SGIP1: variants seen among roughly 807,000 people sequenced by gnomAD.
The protein encoded by SGIP1 is SH3-containing GRB2-like protein 3-interacting protein 1.
SGIP1 carries 38 observed loss-of-function variants against 107.5 expected under a neutral mutation model. That is an observed-to-expected ratio of 0.35 (90% CI 0.27 to 0.46). The LOEUF is 0.46. SGIP1 is among the 20% of genes least tolerant of loss of function. The probability of loss-of-function intolerance (pLI) is 1.00; values close to 1 mark genes in which losing one functional copy is unlikely to be tolerated. For missense variants in SGIP1, 929 were observed against 1,019.5 expected (o/e 0.91, Z 1.21); for synonymous variants, 365 against 366.1 (o/e 1.00, Z 0.03).
chr1:66,602,499 C>T (rs1382683908), intron 1 of SGIP1, among the ~76,000 whole-genome samples: 1 of 152,096 alleles, frequency 6.6e-6, no homozygotes, highest in Non-Finnish European at 1.5e-5. Context: ...AGATCTGCCT[C>T]CCTGCCATGA....
intron 3 of SGIP1, among the ~76,000 whole-genome samples, chr1:66,635,681 C>T (rs1400317870): frequency 6.6e-6 from 1 of 152,252 alleles, no homozygotes; most frequent in East Asian, 1.9e-4. Context: ...CACATGGTCC[C>T]TAGTGCCTGG....
chr1:66,609,897 T>A (rs2067607846), intron 1 of SGIP1, among the ~76,000 whole-genome samples: 1 of 152,230 alleles, frequency 6.6e-6, no homozygotes, highest in Non-Finnish European at 1.5e-5. Flanking sequence ...TTTCTGGAGA[T>A]CCCATTTCTA....
At chr1:66,549,445 C>T (rs1270213878) in intron 1 of SGIP1, among the ~76,000 whole-genome samples, 2 of 152,090 alleles carry the variant, frequency 1.3e-5, no homozygotes, top group Non-Finnish European at 2.9e-5. Context: ...GTGAAGGAAG[C>T]GTTGAATGGG....
chr1:66,663,748 C>A (rs1180040278), intron 8 of SGIP1, among the ~76,000 whole-genome samples: 4 of 152,142 alleles, frequency 2.6e-5, no homozygotes, highest in Middle Eastern at 3.4e-3. Flanking sequence ...TGCTATATTA[C>A]AAGGTTGTCT....
chr1:66,598,030 G>T (rs1037917707), intron 1 of SGIP1, among the ~76,000 whole-genome samples: 3 of 152,082 alleles, frequency 2.0e-5, no homozygotes, highest in Admixed American at 6.5e-5. Flanking sequence ...GGAGAAAAAT[G>T]AGTTCTCCTG....
At chr1:66,673,433 T>C in intron 12 of SGIP1, 67 bp downstream of exon 12, 1 of 1,353,680 alleles carries the variant, frequency 7.4e-7, no homozygotes. Context: ...CTCTTCTAGA[T>C]TAAATGTATG....
chr1:66,741,494 A>T (rs1207915677), intron 24 of SGIP1, 58 bp downstream of exon 24: 19 of 1,469,634 alleles, frequency 1.3e-5, no homozygotes, highest in Non-Finnish European at 1.7e-5. Flanking sequence ...GGCTACTCTT[A>T]AGAGGAATAG....
chr1:66,621,880 T>C (rs2071233465), intron 1 of SGIP1, among the ~76,000 whole-genome samples: 1 of 152,216 alleles, frequency 6.6e-6, no homozygotes, highest in Non-Finnish European at 1.5e-5. Flanking sequence ...GTAAAAGGAA[T>C]TTTACTCACA....
intron 19 of SGIP1, among the ~76,000 whole-genome samples, chr1:66,724,987 A>G (rs1332116355): frequency 6.6e-6 from 1 of 152,222 alleles, no homozygotes; most frequent in Non-Finnish European, 1.5e-5. Flanking sequence ...TATCAAGAGT[A>G]GACTCAGCTT....
At position 66,677,099 on chromosome 1, in the gene SGIP1, A is replaced by C; in HGVS notation, c.739+3A>C. On this transcript the variant is annotated splice_donor_region_variant and intron_variant, in intron 13 of 24. Coordinates refer to ENST00000371037, the MANE Select transcript of SGIP1 (RefSeq NM_032291.4). ...AACAAGGCCTTTTCCCACTGGAAGT[A>C]AGTTATGTGTCTGCTCTGTCTGGAA... 1 of 1,611,214 alleles carries C rather than the reference A, an allele frequency of 6.2e-7. No homozygotes were observed. Among genetic ancestry groups the C allele is most frequent in the Non-Finnish European group, 8.5e-7 (1 of 1,177,562 alleles).
intron 1 of SGIP1, among the ~76,000 whole-genome samples, chr1:66,556,238 G>GCTCTTGTGTTTTGGCCCT (rs2058152485): frequency 6.6e-6 from 1 of 152,094 alleles, no homozygotes; most frequent in Non-Finnish European, 1.5e-5. Flanking sequence ...AAATAGGTCT[G>GCTCTTGTGTTTTGGCCCT]CTCTTGTGTT....
intron 1 of SGIP1, among the ~76,000 whole-genome samples, chr1:66,565,076 C>T (rs2059463662): frequency 6.6e-6 from 1 of 151,908 alleles, no homozygotes; most frequent in East Asian, 1.9e-4. Flanking sequence ...AACCAGGACC[C>T]CCTGACTCCA....
intron 1 of SGIP1, among the ~76,000 whole-genome samples, chr1:66,557,554 C>G (rs1366548620): frequency 6.6e-6 from 1 of 152,094 alleles, no homozygotes; most frequent in Non-Finnish European, 1.5e-5. Flanking sequence ...AAAGCATTCT[C>G]CAAACACATC....
chr1:66,683,498 TAGG>T (rs1428199335), intron 15 of SGIP1, among the ~76,000 whole-genome samples: 1 of 152,116 alleles, frequency 6.6e-6, no homozygotes, highest in African/African-American at 2.4e-5. Flanking sequence ...AGAAGAGTGC[TAGG>T]AGTTCACCCG....
At chr1:66,640,688 G>A (rs1353473998) in intron 5 of SGIP1, among the ~76,000 whole-genome samples, 2 of 151,612 alleles carry the variant, frequency 1.3e-5, no homozygotes, top group African/African-American at 4.8e-5. Context: ...GGCCTTATTG[G>A]CTACACAGAG....
rs74487066 is a variant in SGIP1, at chr1:66,685,196, C to T, written c.1315+2827C>T. 2.1e-4 allele frequency among the ~76,000 whole-genome samples: 32 copies of T among 152,310 alleles called. 1 individual carries two copies. In the East Asian group the frequency reaches 6.2e-3, roughly 29 times the overall value. On this transcript the variant is annotated intron_variant, in intron 15 of 24. Transcript: ENST00000371037. ...ACTAACTTTCTTGTATTTCTCGAAG[C>T]ATATTTAATTGTATACCACTATGCA... is the stretch of plus-strand genomic sequence containing the variant.
chr1:66,740,777 G>T, intron 23 of SGIP1, 55 bp downstream of exon 23: 1 of 1,221,332 alleles, frequency 8.2e-7, no homozygotes, highest in Non-Finnish European at 1.2e-6. Context: ...ATGGCTTTAG[G>T]TATTTGCCAA....
chr1:66,535,295 C>T (rs1271671709), intron 1 of SGIP1, among the ~76,000 whole-genome samples: 1 of 152,150 alleles, frequency 6.6e-6, no homozygotes, highest in Admixed American at 6.5e-5. Context: ...AACTCCTGGC[C>T]TTTCCTAAGA....
rs1161914494 is a variant in SGIP1 at position 66,748,493 on chromosome 1, T to G, written c.*5398T>G. Among the ~76,000 whole-genome samples the G allele has an allele frequency of 1.3e-5, 2 of 152,002 alleles. No individual in the cohort carries two copies. Among genetic ancestry groups the G allele is most frequent in the Non-Finnish European group, 2.9e-5 (2 of 67,856 alleles). ...ATCTGATTTCTCTCCTAAATGGGTA[T>G]GTCTATGAGGAAAAGACACCTATTT... On this transcript the variant is annotated 3_prime_UTR_variant, in exon 25 of 25. Coordinates refer to ENST00000371037, the MANE Select transcript of SGIP1 (RefSeq NM_032291.4).
Sources: gnomAD v4.1 joint callset for allele counts (sites outside exome capture counted in the v4.1 genomes callset) on GRCh38, gnomAD v4.1.1 for gene constraint, MANE v1.5 for transcripts, NCBI Gene and HGNC (gene_info 2026-07-23, HGNC 2026-07-21) for gene names.